MAGI2: variants seen among roughly 807,000 people sequenced by gnomAD.
The protein encoded by MAGI2 is membrane-associated guanylate kinase, WW and PDZ domain-containing protein 2.
MAGI2 carries 35 observed loss-of-function variants against 133.3 expected under a neutral mutation model. That is an observed-to-expected ratio of 0.26 (90% CI 0.20 to 0.35). MAGI2 has a LOEUF of 0.35. MAGI2 is among the 10% of genes least tolerant of loss of function. The pLI, the probability that MAGI2 is intolerant of heterozygous loss-of-function variation, is 1.00. For synonymous variants in MAGI2, 729 were observed against 710.6 expected (o/e 1.03, Z -0.41); for missense variants, 1,636 against 1,863.4 (o/e 0.88, Z 2.25).
chr7:78,192,605 C>T (rs1293420352), intron 12 of MAGI2, among the ~76,000 whole-genome samples: 2 of 150,582 alleles, frequency 1.3e-5, no homozygotes, highest in South Asian at 2.1e-4. Flanking sequence ...GAGAAAGTGG[C>T]GCCATGCTCT....
chr7:78,473,234 AT>A (rs1233740855), intron 6 of MAGI2, among the ~76,000 whole-genome samples: 2 of 151,954 alleles, frequency 1.3e-5, no homozygotes, highest in Admixed American at 6.6e-5. Flanking sequence ...TTACTTAGCT[AT>A]TTTTCAACTG....
At chr7:78,123,593 G>A (rs758253565) in intron 20 of MAGI2, among the ~76,000 whole-genome samples, 1 of 152,172 alleles carries the variant, frequency 6.6e-6, no homozygotes, top group Non-Finnish European at 1.5e-5. Context: ...AGTAACCAGT[G>A]GGCAGGTAGC....
intron 10 of MAGI2, among the ~76,000 whole-genome samples, chr7:78,241,354 T>A (rs969285542): frequency 6.6e-6 from 1 of 152,194 alleles, no homozygotes; most frequent in Non-Finnish European, 1.5e-5. Flanking sequence ...GTCTCTTTCA[T>A]GCTAAGTGTT....
chr7:78,119,736 T>C (rs891978321), intron 20 of MAGI2, among the ~76,000 whole-genome samples: 1 of 151,978 alleles, frequency 6.6e-6, no homozygotes, highest in African/African-American at 2.4e-5. Context: ...GCAGGGAGTA[T>C]AAGGAAAATC....
chr7:79,284,451 T>A (rs1441886978), intron 1 of MAGI2, among the ~76,000 whole-genome samples: 2 of 152,108 alleles, frequency 1.3e-5, no homozygotes, highest in African/African-American at 4.8e-5. Flanking sequence ...AGACCACATA[T>A]CACATACTTT....
intron 12 of MAGI2, among the ~76,000 whole-genome samples, chr7:78,193,166 G>C (rs1828399593): frequency 1.3e-5 from 2 of 152,220 alleles, no homozygotes; most frequent in South Asian, 4.1e-4. Context: ...GAGAAAACTG[G>C]AGATAAATAC....
At chr7:79,058,062 G>A (rs1382428243) in intron 1 of MAGI2, among the ~76,000 whole-genome samples, 2 of 150,956 alleles carry the variant, frequency 1.3e-5, no homozygotes, top group African/African-American at 4.9e-5. Context: ...TCATACTTTT[G>A]AGAAAAACAA....
intron 2 of MAGI2, among the ~76,000 whole-genome samples, chr7:78,871,423 C>G (rs768497723): frequency 3.9e-5 from 6 of 152,070 alleles, no homozygotes; most frequent in Non-Finnish European, 8.8e-5. Context: ...GCACCATAAT[C>G]TCAGAAATCA....
intron 1 of MAGI2, among the ~76,000 whole-genome samples, chr7:79,336,816 T>A (rs1443151370): frequency 6.6e-6 from 1 of 151,980 alleles, no homozygotes; most frequent in African/African-American, 2.4e-5. Context: ...AATACAGAGA[T>A]CGAGAATAAC....
chr7:78,852,095 T>C (rs957040577), intron 2 of MAGI2, among the ~76,000 whole-genome samples: 3 of 152,118 alleles, frequency 2.0e-5, no homozygotes, highest in East Asian at 3.9e-4. Flanking sequence ...AGATAAACTG[T>C]TTATATTATT....
chr7:78,509,987 G>A (rs1197394276), intron 4 of MAGI2, among the ~76,000 whole-genome samples: 6 of 152,102 alleles, frequency 3.9e-5, no homozygotes, highest in Non-Finnish European at 8.8e-5. Context: ...ATGGCTATGT[G>A]ACAACTTTTA....
intron 20 of MAGI2, among the ~76,000 whole-genome samples, chr7:78,083,241 T>C (rs1442413547): frequency 6.6e-6 from 1 of 151,966 alleles, no homozygotes; most frequent in Non-Finnish European, 1.5e-5. Context: ...GCCACAGAGC[T>C]ATCTTCAACT....
chr7:78,730,515 G>A (rs925259009), intron 2 of MAGI2, among the ~76,000 whole-genome samples: 2 of 151,772 alleles, frequency 1.3e-5, no homozygotes, highest in African/African-American at 2.4e-5. Context: ...ATCTGTGACT[G>A]CTTCTATTTT....
At chr7:79,014,549 A>C (rs1459577493) in intron 1 of MAGI2, among the ~76,000 whole-genome samples, 1 of 152,162 alleles carries the variant, frequency 6.6e-6, no homozygotes, top group Non-Finnish European at 1.5e-5. Context: ...CAAAGCAGGA[A>C]GTCACACCAA....
intron 2 of MAGI2, among the ~76,000 whole-genome samples, chr7:78,961,549 G>A (rs2115784333): frequency 6.6e-6 from 1 of 152,148 alleles, no homozygotes; most frequent in Admixed American, 6.5e-5. Flanking sequence ...GTAACTAAGT[G>A]GTTTATGTGG....
intron 2 of MAGI2, among the ~76,000 whole-genome samples, chr7:78,894,710 A>G (rs963502174): frequency 6.6e-6 from 1 of 152,218 alleles, no homozygotes; most frequent in Admixed American, 6.5e-5. Context: ...AGAAAAGTGT[A>G]AAGCATAAAC....
Position 78,345,915 on chromosome 7 carries a change from A to G in MAGI2, c.1225+7T>C, listed in dbSNP as rs917930431. The stretch of plus-strand genomic sequence containing the variant: ...TTTGAAACATCACATGCTGACAGGT[A>G]TCATACCTCGGAAACCTGGGGCCTG... On this transcript the variant is annotated splice_region_variant and intron_variant, in intron 8 of 21. Transcript: ENST00000354212. The G allele has an allele frequency of 5.0e-6, 8 of 1,613,936 alleles. No individual in the cohort carries two copies. The highest frequency in any genetic ancestry group is 6.8e-6 in the Non-Finnish European group (8 of 1,179,970).
chr7:78,179,361 A>G (rs1008680618), intron 13 of MAGI2, among the ~76,000 whole-genome samples: 1 of 152,232 alleles, frequency 6.6e-6, no homozygotes, highest in African/African-American at 2.4e-5. Flanking sequence ...GGCTCATTGA[A>G]TGCTGGCCAG....
chr7:78,256,122 G>A lies in MAGI2; in HGVS notation c.1868C>T (p.Pro623Leu), dbSNP rs1280975595. 6.2e-7 allele frequency: 1 copy of A among 1,613,728 alleles called. No homozygotes were observed. The highest frequency in any genetic ancestry group is 8.5e-7 in the Non-Finnish European group (1 of 1,179,948). ...QGFGFTIADS[P>L]TGQRVKQILD... ...TATTTGTTTCACCCGCTGTCCTGTA[G>A]GACTGTCGGCAATAGTGAAGCCGAA... The change falls in exon 10 of 22, where the codon CCT becomes CTT. Residue 623 changes from proline (P) to leucine (L), a missense_variant. Around this residue, in one of 5 missense-constraint regions of MAGI2, gnomAD observed 920 missense variants for 1,093.5 expected, o/e 0.84. Coordinates refer to ENST00000354212, the MANE Select transcript of MAGI2 (RefSeq NM_012301.4).
Sources: allele counts gnomAD v4.1 joint callset (sites outside exome capture counted in the v4.1 genomes callset), GRCh38; gene constraint gnomAD v4.1.1; regional missense constraint gnomAD v4.1.1; transcripts MANE v1.5; gene names NCBI Gene and HGNC (gene_info 2026-07-23, HGNC 2026-07-21).